Variants in RAB31 observed in about 807,000 individuals in gnomAD.
RAB31 encodes RAB31, member RAS oncogene family, also known as ras-related protein Rab-31.
A neutral mutation model predicts 25.6 loss-of-function variants in RAB31; 21 were observed. The observed-to-expected ratio is 0.82, with a 90% CI of 0.58 to 1.18. RAB31 has a LOEUF of 1.18. Among genes scored for constraint, RAB31 ranks in the 50% most tolerant of loss-of-function variants. RAB31 has a pLI of 0.00. For synonymous variants in RAB31, 87 were observed against 84.0 expected (o/e 1.04, Z -0.20); for missense variants, 196 against 250.1 (o/e 0.78, Z 1.46).
intron 5 of RAB31, among the ~76,000 whole-genome samples, chr18:9,842,487 G>A (rs1382266760): frequency 6.6e-6 from 1 of 152,168 alleles, no homozygotes; most frequent in Admixed American, 6.5e-5. Flanking sequence ...GACCGAATCT[G>A]TATTTTTTTA....
chr18:9,739,769 T>C (rs2145470992), intron 1 of RAB31, among the ~76,000 whole-genome samples: 2 of 152,328 alleles, frequency 1.3e-5, no homozygotes, highest in South Asian at 4.1e-4. Context: ...TATACTCTCC[T>C]GTCCTGTGTG....
At chr18:9,850,633 G>T (rs1476223321) in intron 6 of RAB31, among the ~76,000 whole-genome samples, 2 of 152,178 alleles carry the variant, frequency 1.3e-5, no homozygotes, top group Non-Finnish European at 2.9e-5. Context: ...AATTACACTT[G>T]GAGACACTAG....
intron 1 of RAB31, among the ~76,000 whole-genome samples, chr18:9,758,454 C>T (rs966605451): frequency 1.3e-5 from 2 of 152,042 alleles, no homozygotes; most frequent in South Asian, 2.1e-4. Flanking sequence ...CTCCTCCCCC[C>T]TCTTCCCTTC....
intron 2 of RAB31, among the ~76,000 whole-genome samples, chr18:9,777,779 G>T (rs1285307183): frequency 3.9e-5 from 5 of 128,498 alleles, no homozygotes; most frequent in Admixed American, 1.7e-4. Flanking sequence ...TTTTGAGACG[G>T]CGTCTTGCTC....
At chr18:9,749,593 A>C (rs1437309930) in intron 1 of RAB31, among the ~76,000 whole-genome samples, 2 of 152,202 alleles carry the variant, frequency 1.3e-5, no homozygotes, top group Non-Finnish European at 2.9e-5. Context: ...TCGGTCTCCC[A>C]GGGGCTCTAC....
At chr18:9,840,715 G>A (rs62081247) in intron 5 of RAB31, among the ~76,000 whole-genome samples, 46,982 of 152,018 alleles carry the variant, frequency 0.31, 8,223 homozygotes, top group Non-Finnish European at 0.39. Flanking sequence ...GCAATACTGC[G>A]AGACTGCCTC....
intron 3 of RAB31, among the ~76,000 whole-genome samples, chr18:9,810,510 G>A (rs945030222): frequency 2.0e-5 from 3 of 152,130 alleles, no homozygotes; most frequent in African/African-American, 7.2e-5. Context: ...GAACTGAGAC[G>A]TGAACTTCTA....
chr18:9,794,422 A>G (rs571543225), intron 3 of RAB31, among the ~76,000 whole-genome samples: 1 of 152,334 alleles, frequency 6.6e-6, no homozygotes, highest in Non-Finnish European at 1.5e-5. Context: ...AAATGGAAAC[A>G]CATCCTATGC....
At chr18:9,713,958 A>T (rs2068031187) in intron 1 of RAB31, among the ~76,000 whole-genome samples, 1 of 152,202 alleles carries the variant, frequency 6.6e-6, no homozygotes, top group Non-Finnish European at 1.5e-5. Flanking sequence ...CACCTCCCAA[A>T]GGCCCACCTC....
chr18:9,846,925 G>A lies in RAB31; in HGVS notation c.490+1234G>A, dbSNP rs371608267. On this transcript the variant is annotated intron_variant, in intron 6 of 6. Coordinates refer to ENST00000578921, the MANE Select transcript of RAB31 (RefSeq NM_006868.4). ...AGCTGCTGGCCCTTTCCTTCACTGG[G>A]GTCTTCACTCTCTTCCCTTCTTTCC... is the stretch of plus-strand genomic sequence containing the variant. Among the ~76,000 whole-genome samples, 28 of 152,228 alleles carry A rather than the reference G, an allele frequency of 1.8e-4. No individual in the cohort carries two copies. In the South Asian group the frequency reaches 4.4e-3, roughly 24 times the overall value.
chr18:9,731,183 G>C (rs1344973145), intron 1 of RAB31, among the ~76,000 whole-genome samples: 1 of 152,172 alleles, frequency 6.6e-6, no homozygotes, highest in Non-Finnish European at 1.5e-5. Flanking sequence ...GGACTCAAGT[G>C]ATCGTCCCGC....
intron 6 of RAB31, among the ~76,000 whole-genome samples, chr18:9,854,074 C>G (rs2068803275): frequency 6.6e-6 from 1 of 150,762 alleles, no homozygotes; most frequent in South Asian, 2.1e-4. Context: ...AACACGTCAT[C>G]TAGGTTTTAA....
At chr18:9,768,463 T>C (rs528067166) in intron 1 of RAB31, among the ~76,000 whole-genome samples, 1 of 152,350 alleles carries the variant, frequency 6.6e-6, no homozygotes, top group South Asian at 2.1e-4. Flanking sequence ...GACAATGAAC[T>C]TTTTTCCATA....
chr18:9,812,951 G>C (rs1488101856), intron 3 of RAB31, among the ~76,000 whole-genome samples: 1 of 150,940 alleles, frequency 6.6e-6, no homozygotes, highest in African/African-American at 2.4e-5. Flanking sequence ...GCCTGCCTCA[G>C]CCTCCCAAGT....
At chr18:9,780,903 C>G (rs1402642133) in intron 2 of RAB31, among the ~76,000 whole-genome samples, 1 of 152,062 alleles carries the variant, frequency 6.6e-6, no homozygotes, top group Non-Finnish European at 1.5e-5. Context: ...TGCACTCTAG[C>G]CTGGGTGACA....
At chr18:9,781,111 A>C (rs891519370) in intron 2 of RAB31, among the ~76,000 whole-genome samples, 5 of 152,148 alleles carry the variant, frequency 3.3e-5, no homozygotes, top group African/African-American at 9.7e-5. Flanking sequence ...GGATATTACC[A>C]AATTGTTTTT....
intron 3 of RAB31, among the ~76,000 whole-genome samples, chr18:9,810,990 T>C (rs2068567517): frequency 6.6e-6 from 1 of 152,222 alleles, no homozygotes; most frequent in African/African-American, 2.4e-5. Flanking sequence ...ATTCTGATTT[T>C]GTTTTTTAAG....
chr18:9,810,793 G>C (rs1422516093), intron 3 of RAB31, among the ~76,000 whole-genome samples: 1 of 152,004 alleles, frequency 6.6e-6, no homozygotes, highest in Non-Finnish European at 1.5e-5. Flanking sequence ...TTTACTTTTG[G>C]GAAATAAAGT....
At chr18:9,845,473 C>A in intron 5 of RAB31, 109 bp from the exon 6 acceptor site, 1 of 933,694 alleles carries the variant, frequency 1.1e-6, no homozygotes, top group Non-Finnish European at 1.5e-6. Flanking sequence ...AATTATTATT[C>A]TACAAGAAGA....
Sources: allele counts gnomAD v4.1 joint callset (sites outside exome capture counted in the v4.1 genomes callset), GRCh38; gene constraint gnomAD v4.1.1; transcripts MANE v1.5; gene names NCBI Gene and HGNC (gene_info 2026-07-23, HGNC 2026-07-21).